The following DAAM1 variants were observed in gnomAD, a reference collection of about 807,000 sequenced individuals.
DAAM1 encodes disheveled-associated activator of morphogenesis 1.
In DAAM1, 52 loss-of-function variants were observed where a neutral mutation model predicts 130.0. The ratio of observed to expected loss-of-function variants is 0.40; its 90% CI spans 0.32 to 0.50. The LOEUF (loss-of-function observed/expected upper bound fraction) is 0.50. Among genes scored for constraint, DAAM1 ranks in the 20% least tolerant of loss-of-function variants. The probability of loss-of-function intolerance (pLI) is 0.61; values close to 1 mark genes in which losing one functional copy is unlikely to be tolerated. For synonymous variants in DAAM1, 452 were observed against 444.5 expected, an observed-to-expected ratio of 1.02 and a Z score of -0.21; for missense variants, 1,134 against 1,303.8, an observed-to-expected ratio of 0.87 and a Z score of 2.01.
chr14:59,253,772 C>T (rs1384891221), intron 1 of DAAM1, among the ~76,000 whole-genome samples: 1 of 152,164 alleles, frequency 6.6e-6, no homozygotes, highest in Non-Finnish European at 1.5e-5. Context: ...ACTCACTTCC[C>T]CAGGGGACCC....
At chr14:59,364,443 C>G (rs1886833564) in intron 23 of DAAM1, among the ~76,000 whole-genome samples, 2 of 152,088 alleles carry the variant, frequency 1.3e-5, no homozygotes, top group Admixed American at 1.3e-4. Context: ...TTAGCTCCCT[C>G]AGCTTCACCT....
rs192781556 is a variant in DAAM1, at chr14:59,320,327, T to C, written c.346-163T>C. On this transcript the variant is annotated intron_variant, in intron 4 of 24. Transcript: ENST00000360909. ...CATCTCTACGAAGATTTCTAAACTT[T>C]TCCCTAAGGCTTTATTTAAAATTTG... Among the ~76,000 whole-genome samples, 1,206 of 152,358 alleles carry C rather than the reference T, an allele frequency of 7.9e-3. 9 individuals are homozygous for C. Among genetic ancestry groups the C allele is most frequent in the Non-Finnish European group, 0.011 (732 of 68,030 alleles).
At chr14:59,309,864 TTC>T (rs1349168636) in intron 3 of DAAM1, among the ~76,000 whole-genome samples, 1 of 152,234 alleles carries the variant, frequency 6.6e-6, no homozygotes, top group East Asian at 1.9e-4. Context: ...TCTTCTGTGC[TTC>T]TCTTTCTCTG....
Position 59,368,640 on chromosome 14 carries a change from C to T in DAAM1, c.2998-10C>T. On this transcript the variant is annotated splice_polypyrimidine_tract_variant and intron_variant, in intron 24 of 24. Coordinates refer to ENST00000360909, the MANE Select transcript of DAAM1 (RefSeq NM_001270520.2). ...CATGTCTCAAAGAGGTTATTTCTTT[C>T]TATTTGCAGCTCAAAGAACAACGTG... The T allele has an allele frequency of 6.2e-7, 1 of 1,608,450 alleles. No homozygotes were observed. Among genetic ancestry groups the T allele is most frequent in the Non-Finnish European group, 8.5e-7 (1 of 1,177,326 alleles).
intron 1 of DAAM1, among the ~76,000 whole-genome samples, chr14:59,235,549 C>T (rs1307972439): frequency 1.3e-5 from 2 of 152,004 alleles, no homozygotes; most frequent in African/African-American, 4.8e-5. Context: ...ATTAGTCTAG[C>T]TAGTGGTCTA....
intron 1 of DAAM1, among the ~76,000 whole-genome samples, chr14:59,199,194 G>C (rs973753781): frequency 1.3e-5 from 2 of 152,208 alleles, no homozygotes; most frequent in African/African-American, 4.8e-5. Flanking sequence ...CAGGAGTTTT[G>C]TAGGATATAA....
At chr14:59,281,015 C>G (rs1334003950) in intron 2 of DAAM1, among the ~76,000 whole-genome samples, 1 of 148,762 alleles carries the variant, frequency 6.7e-6, no homozygotes, top group Non-Finnish European at 1.5e-5. Flanking sequence ...TCACCTTCCC[C>G]TCACCAGACA....
intron 3 of DAAM1, among the ~76,000 whole-genome samples, chr14:59,314,772 C>T (rs1423913056): frequency 6.6e-6 from 1 of 152,206 alleles, no homozygotes; most frequent in Admixed American, 6.5e-5. Context: ...ATTCTTCTAC[C>T]TCTTCATCTG....
chr14:59,251,486 T>C (rs528751651), intron 1 of DAAM1, among the ~76,000 whole-genome samples: 1 of 151,836 alleles, frequency 6.6e-6, no homozygotes, highest in South Asian at 2.1e-4. Context: ...GGATCGTATA[T>C]CTAAATGCTT....
At chr14:59,351,749 GT>G (rs201275930) in intron 17 of DAAM1, among the ~76,000 whole-genome samples, 39 of 144,402 alleles carry the variant, frequency 2.7e-4, no homozygotes, top group African/African-American at 9.7e-4. Flanking sequence ...GAAGGTCAAT[GT>G]TTTAAAAAAA....
At chr14:59,307,081 T>C (rs1364023497) in intron 3 of DAAM1, among the ~76,000 whole-genome samples, 1 of 152,234 alleles carries the variant, frequency 6.6e-6, no homozygotes, top group Non-Finnish European at 1.5e-5. Context: ...GTCATGCATC[T>C]TTTGTTTTGC....
chr14:59,209,026 CTCT>C (rs1358407532), intron 1 of DAAM1, among the ~76,000 whole-genome samples: 1 of 152,200 alleles, frequency 6.6e-6, no homozygotes, highest in African/African-American at 2.4e-5. Context: ...AATTAAACCT[CTCT>C]TCTTTATAAA....
chr14:59,336,116 T>A (rs10137266), intron 15 of DAAM1, among the ~76,000 whole-genome samples: 45,585 of 151,726 alleles, frequency 0.3, 6,995 homozygotes, highest in African/African-American at 0.35. Context: ...AATATAGTGT[T>A]TGAATTTTCC....
chr14:59,198,578 G>C (rs561669103), intron 1 of DAAM1, among the ~76,000 whole-genome samples: 2 of 152,282 alleles, frequency 1.3e-5, no homozygotes, highest in South Asian at 4.1e-4. Flanking sequence ...GGAAGGAGGG[G>C]TGGAAATACT....
chr14:59,347,509 A>G, intron 16 of DAAM1, 30 bp from the exon 17 acceptor site: 1 of 1,597,298 alleles, frequency 6.3e-7, no homozygotes, highest in Non-Finnish European at 8.6e-7. Context: ...TCAAACCAAT[A>G]TGGTTAATAA....
At position 59,371,183 on chromosome 14, in the gene DAAM1, CTTTT is replaced by C. The variant is rs1245653453; in HGVS notation, c.*2328_*2331del. 83 of 150,632 alleles carry C rather than the reference CTTTT, an allele frequency of 5.5e-4. 5 individuals carry two copies. Among genetic ancestry groups the C allele is most frequent in the African/African-American group, 2.4e-5 (1 of 41,034 alleles). 9.3% of individuals were successfully genotyped at this position (150,632 alleles called of 1,614,324 possible). A position where few individuals can be genotyped will look rare whatever the true frequency, so the allele number is the denominator to read the frequency against. ...TTCTCTCTTGGGTGTGTATTTTAAACTTTTTTTGTTTTTTTAAATTAATGCCAAA... is the reference window on the plus strand; with the variant it reads ...TTCTCTCTTGGGTGTGTATTTTAAACTTTGTTTTTTTAAATTAATGCCAAA... On this transcript the variant is annotated 3_prime_UTR_variant, in exon 25 of 25. Coordinates refer to ENST00000360909, the MANE Select transcript of DAAM1 (RefSeq NM_001270520.2).
At chr14:59,193,501 G>A (rs1887795502) in intron 1 of DAAM1, among the ~76,000 whole-genome samples, 1 of 152,046 alleles carries the variant, frequency 6.6e-6, no homozygotes, top group Non-Finnish European at 1.5e-5. Flanking sequence ...CTAGGAGCAG[G>A]GGGAGAACAG....
chr14:59,291,434 G>C (rs1594803586), intron 3 of DAAM1, 128 bp downstream of exon 3: 1 of 726,542 alleles, frequency 1.4e-6, no homozygotes, highest in Non-Finnish European at 2.2e-6. Flanking sequence ...TTATGTTGTG[G>C]CTGTGGTGCT....
chr14:59,338,404 A>C, intron 15 of DAAM1: 1 of 1,613,658 alleles, frequency 6.2e-7, no homozygotes, highest in Non-Finnish European at 8.5e-7. Flanking sequence ...GTGAACAGTA[A>C]CTCCAAGCAG....
Sources: allele counts gnomAD v4.1 joint callset (sites outside exome capture counted in the v4.1 genomes callset), GRCh38; gene constraint gnomAD v4.1.1; transcripts MANE v1.5; gene names NCBI Gene and HGNC (gene_info 2026-07-23, HGNC 2026-07-21).